Variants in MAP3K2 observed in about 807,000 individuals in gnomAD.
MAP3K2 encodes mitogen-activated protein kinase kinase kinase 2, also known as MAP/ERK kinase kinase 2.
MAP3K2 carries 24 observed loss-of-function variants against 80.3 expected under a neutral mutation model. That is an observed-to-expected ratio of 0.30 (90% confidence interval 0.22 to 0.42). The LOEUF is 0.42. Among genes scored for constraint, MAP3K2 ranks in the 10% least tolerant of loss-of-function variants. The pLI, the probability that MAP3K2 is intolerant of heterozygous loss-of-function variation, is 1.00. For missense variants in MAP3K2, 608 were observed against 750.1 expected (o/e 0.81, Z 2.21); for synonymous variants, 244 against 253.7 (o/e 0.96, Z 0.36).
At chr2:127,372,123 A>G (rs956666523) in intron 1 of MAP3K2, among the ~76,000 whole-genome samples, 3 of 152,228 alleles carry the variant, frequency 2.0e-5, no homozygotes, top group Non-Finnish European at 4.4e-5. Flanking sequence ...CTCTGGGAAC[A>G]GTGGGATTAG....
At chr2:127,344,659 C>T (rs987925279) in intron 1 of MAP3K2, among the ~76,000 whole-genome samples, 2 of 151,984 alleles carry the variant, frequency 1.3e-5, no homozygotes, top group Admixed American at 1.3e-4. Context: ...AAGACCCTGT[C>T]TCGAAAACAT....
At chr2:127,351,512 G>C (rs1345338103) in intron 1 of MAP3K2, among the ~76,000 whole-genome samples, 2 of 152,060 alleles carry the variant, frequency 1.3e-5, no homozygotes, top group Admixed American at 6.5e-5. Flanking sequence ...TTTTCCAGTT[G>C]CTCAAAACAA....
At chr2:127,341,530 G>GTTTTTT (rs1341901292) in intron 2 of MAP3K2, among the ~76,000 whole-genome samples, 8 of 91,120 alleles carry the variant, frequency 8.8e-5, no homozygotes, top group South Asian at 3.7e-4. Flanking sequence ...TTTTTTTGTT[G>GTTTTTT]TTTTTTTTTT....
intron 1 of MAP3K2, among the ~76,000 whole-genome samples, chr2:127,381,570 T>C (rs1281947327): frequency 6.6e-6 from 1 of 152,224 alleles, no homozygotes; most frequent in Non-Finnish European, 1.5e-5. Flanking sequence ...ATTTAAAAGT[T>C]AGCCTGACAA....
At position 127,301,691 on chromosome 2, in the gene MAP3K2, CAATT is replaced by C. The variant is rs1459518680; in HGVS notation, c.*5884_*5887del. The C allele has an allele frequency of 6.6e-6, 1 of 152,168 alleles. No homozygotes were observed. The highest frequency in any genetic ancestry group is 1.5e-5 in the Non-Finnish European group (1 of 68,024). 9.4% of individuals were successfully genotyped at this position (152,168 alleles called of 1,614,324 possible). A position where few individuals can be genotyped will look rare whatever the true frequency, so the allele number is the denominator to read the frequency against. ...ATTAACAAAAATACCATATGACTAT[CAATT>C]AAAATGCACAATTATGAAAAATAAG... On this transcript the variant is annotated 3_prime_UTR_variant, in exon 17 of 17. Transcript: ENST00000682094.
intron 1 of MAP3K2, among the ~76,000 whole-genome samples, chr2:127,353,225 T>C (rs2090573): frequency 0.79 from 119,223 of 150,430 alleles, 47,371 homozygotes; most frequent in Middle Eastern, 0.85. Context: ...AGCGTCTCTG[T>C]CCTGCCGCCA....
At position 127,364,782 on chromosome 2, in the gene MAP3K2, AC is replaced by A. The variant is rs942812325; in HGVS notation, c.-65-21589del. 2.6e-4 allele frequency among the ~76,000 whole-genome samples: 40 copies of A among 152,136 alleles called. No individual in the cohort carries two copies. The highest frequency in any genetic ancestry group is 9.1e-4 in the African/African-American group (38 of 41,532). ...CCTTTCCCCTCATCTTTAAAAATAT[AC>A]CCCTCCTATTTCTCAATCTCTTCTC... On this transcript the variant is annotated intron_variant, in intron 1 of 16. Coordinates refer to ENST00000682094, the MANE Select transcript of MAP3K2 (RefSeq NM_001371910.2). The surrounding 1 kb of genome is among the most constrained non-coding windows in gnomAD (Gnocchi z 4.1).
In MAP3K2 at chr2:127,338,784, C is replaced by G. The variant is rs145270903; in HGVS notation, c.123+148G>C. The G allele has an allele frequency of 9.5e-3, 5,736 of 602,758 alleles. 46 individuals carry two copies. The highest frequency in any genetic ancestry group is 0.013 in the Middle Eastern group (28 of 2,204). 37.3% of individuals were successfully genotyped at this position (602,758 alleles called of 1,614,324 possible). ...GTCTTTGCTACTGTTAATAGATGAA[C>G]ACACACTCTTACACGAAAATGTGTA... On this transcript the variant is annotated intron_variant, in intron 3 of 16. Coordinates refer to ENST00000682094, the MANE Select transcript of MAP3K2 (RefSeq NM_001371910.2).
In MAP3K2 at chr2:127,321,190, A is replaced by C. The variant is rs1237453832; in HGVS notation, c.1045+856T>G. ...AGTACCAGCATGCCTATATTACAAG[A>C]AAGGTTAAAATGCAGTTTTTCAGGC... On this transcript the variant is annotated intron_variant, in intron 12 of 16. Coordinates refer to ENST00000682094, the MANE Select transcript of MAP3K2 (RefSeq NM_001371910.2). This position sits in a 1 kb window ranked among gnomAD's most constrained non-coding sequence, Gnocchi z 4.4. Among the ~76,000 whole-genome samples, 2 of 152,330 alleles carry C rather than the reference A, an allele frequency of 1.3e-5. No individual in the cohort carries two copies. Among genetic ancestry groups the C allele is most frequent in the East Asian group, 3.9e-4 (2 of 5,186 alleles).
rs1686014233 is a variant in MAP3K2, at chr2:127,321,193, G to A, written c.1045+853C>T. On this transcript the variant is annotated intron_variant, in intron 12 of 16. Coordinates refer to ENST00000682094, the MANE Select transcript of MAP3K2 (RefSeq NM_001371910.2). The surrounding 1 kb of genome is among the most constrained non-coding windows in gnomAD (Gnocchi z 4.4). ...ACCAGCATGCCTATATTACAAGAAA[G>A]GTTAAAATGCAGTTTTTCAGGCAGA... Among the ~76,000 whole-genome samples the A allele has an allele frequency of 6.6e-6, 1 of 152,110 alleles. No individual in the cohort carries two copies. Among genetic ancestry groups the A allele is most frequent in the African/African-American group, 2.4e-5 (1 of 41,424 alleles).
intron 4 of MAP3K2, among the ~76,000 whole-genome samples, 191 bp downstream of exon 4, chr2:127,337,547 T>C (rs1036873043): frequency 6.6e-6 from 1 of 152,242 alleles, no homozygotes; most frequent in Non-Finnish European, 1.5e-5. Flanking sequence ...TCATTTCTAA[T>C]ATTTAACCTG....
rs1163026645 is a variant in MAP3K2, at chr2:127,387,920, C to A, written c.-534G>T. On this transcript the variant is annotated 5_prime_UTR_variant, in exon 1 of 17. Transcript: ENST00000682094. Reference sequence around the variant, plus strand: ...CGCCCAGCGGCCGCGGCACCCTCGTCAGGCGCCGCCGCTGAGGGCAGGCAG... The same window carrying A: ...CGCCCAGCGGCCGCGGCACCCTCGTAAGGCGCCGCCGCTGAGGGCAGGCAG... 1.0e-6 allele frequency: 1 copy of A among 982,272 alleles called. No homozygotes were observed. The highest frequency in any genetic ancestry group is 1.1e-4 in the East Asian group (1 of 8,736). The allele number at this position is 982,272 out of a possible 1,614,324, so 60.8% of individuals were successfully genotyped here.
At chr2:127,327,726 A>G (rs988850592) in intron 7 of MAP3K2, among the ~76,000 whole-genome samples, 1 of 152,200 alleles carries the variant, frequency 6.6e-6, no homozygotes, top group African/African-American at 2.4e-5. Flanking sequence ...AAACAATTAA[A>G]AAGAATAACT....
intron 9 of MAP3K2, among the ~76,000 whole-genome samples, chr2:127,325,416 T>C (rs1558977246): frequency 1.3e-5 from 2 of 152,198 alleles, no homozygotes; most frequent in Non-Finnish European, 2.9e-5. Flanking sequence ...TGGTGGCTCA[T>C]GTGTGTAATC....
In MAP3K2 at chr2:127,310,051, T is replaced by G. The variant is rs1039258561; in HGVS notation, c.1457-1289A>C. 6.6e-6 allele frequency among the ~76,000 whole-genome samples: 1 copy of G among 152,196 alleles called. No individual in the cohort carries two copies. Among genetic ancestry groups the G allele is most frequent in the African/African-American group, 2.4e-5 (1 of 41,440 alleles). On this transcript the variant is annotated intron_variant, in intron 15 of 16. Coordinates refer to ENST00000682094, the MANE Select transcript of MAP3K2 (RefSeq NM_001371910.2). The surrounding 1 kb of genome is among the most constrained non-coding windows in gnomAD (Gnocchi z 4.8). ...GATTTGTCTCCCCTCTCCCACATAT[T>G]TATTAAATCATTCATTTGCATCACT...
intron 3 of MAP3K2, 83 bp from the exon 4 acceptor site, chr2:127,337,861 AT>A: frequency 1.1e-6 from 1 of 873,144 alleles, no homozygotes. Flanking sequence ...TTTCTAAATG[AT>A]TTTGTTTTTT....
rs1685681137 is a variant in MAP3K2, at chr2:127,305,627, A to G, written c.*1952T>C. 6.6e-6 allele frequency: 1 copy of G among 152,146 alleles called. No homozygotes were observed. Among genetic ancestry groups the G allele is most frequent in the Non-Finnish European group, 1.5e-5 (1 of 67,986 alleles). 9.4% of individuals were successfully genotyped at this position (152,146 alleles called of 1,614,324 possible). A position where few individuals can be genotyped will look rare whatever the true frequency, so the allele number is the denominator to read the frequency against. ...AATACCTGAGTCCCTTATGAATCCC[A>G]TGAAAGGGATTCTGGGGCCTCCAGG... is the stretch of plus-strand genomic sequence containing the variant. On this transcript the variant is annotated 3_prime_UTR_variant, in exon 17 of 17. Coordinates refer to ENST00000682094, the MANE Select transcript of MAP3K2 (RefSeq NM_001371910.2).
At chr2:127,338,409 C>T (rs922521816) in intron 3 of MAP3K2, among the ~76,000 whole-genome samples, 3 of 152,038 alleles carry the variant, frequency 2.0e-5, no homozygotes, top group Non-Finnish European at 4.4e-5. Flanking sequence ...CGGGGAGTTG[C>T]TTGTAGATTA....
chr2:127,382,980 G>C (rs1032108688), intron 1 of MAP3K2, among the ~76,000 whole-genome samples: 2 of 152,246 alleles, frequency 1.3e-5, no homozygotes, highest in African/African-American at 4.8e-5. Context: ...AGCTGGACTG[G>C]AAGCATGGTG....
Sources: gnomAD v4.1 joint callset for allele counts (sites outside exome capture counted in the v4.1 genomes callset) on GRCh38, gnomAD v4.1.1 for gene constraint, Gnocchi (gnomAD v3.1) non-coding constraint, MANE v1.5 for transcripts, NCBI Gene and HGNC (gene_info 2026-07-23, HGNC 2026-07-21) for gene names.